The following FAM3D variants were observed in gnomAD, a reference collection of about 807,000 sequenced individuals.
FAM3D encodes protein FAM3D.
FAM3D carries 26 observed loss-of-function variants against 29.8 expected under a neutral mutation model. That is an observed-to-expected ratio of 0.87 (90% CI 0.64 to 1.21). The LOEUF (loss-of-function observed/expected upper bound fraction) is 1.21, where lower values mean the gene tolerates loss of function less well. FAM3D is among the 50% of genes most tolerant of loss of function. FAM3D has a pLI of 0.00. For missense variants in FAM3D, 253 were observed against 290.9 expected, an observed-to-expected ratio of 0.87 and a Z score of 0.95; for synonymous variants, 115 against 102.3, an observed-to-expected ratio of 1.12 and a Z score of -0.75.
chr3:58,662,062 G>A (rs934408321), intron 1 of FAM3D, among the ~76,000 whole-genome samples: 1 of 152,224 alleles, frequency 6.6e-6, no homozygotes. Context: ...TAGCCCCAGA[G>A]GCCAGTTTGT....
intron 7 of FAM3D, 66 bp downstream of exon 7, chr3:58,640,061 A>G: frequency 1.3e-6 from 2 of 1,566,806 alleles, no homozygotes; most frequent in South Asian, 2.2e-5. Flanking sequence ...CCCTTGCCAC[A>G]TGAAGAGGCT....
chr3:58,634,468 G>A lies in FAM3D; in HGVS notation c.586-100C>T. ...GCTCTAAACCTAAATGGGGGTGTGG[G>A]ATGTTATTAACCCACTTCACAGATG... On this transcript the variant is annotated intron_variant, in intron 9 of 9. Coordinates refer to ENST00000358781, the MANE Select transcript of FAM3D (RefSeq NM_138805.3). This position sits in a 1 kb window ranked among gnomAD's most constrained non-coding sequence, Gnocchi z 4.6. The A allele has an allele frequency of 9.5e-7, 1 of 1,053,146 alleles. No individual in the cohort carries two copies. Among genetic ancestry groups the A allele is most frequent in the Non-Finnish European group, 1.4e-6 (1 of 713,632 alleles). 65.2% of individuals were successfully genotyped at this position (1,053,146 alleles called of 1,614,324 possible).
intron 7 of FAM3D, among the ~76,000 whole-genome samples, chr3:58,638,217 C>T (rs2066230472): frequency 6.6e-6 from 1 of 152,162 alleles, no homozygotes; most frequent in Admixed American, 6.5e-5. Flanking sequence ...GTCACCTTCC[C>T]TGCATAACAA....
rs2066131296 is a variant in FAM3D at position 58,635,288 on chromosome 3, G to A, written c.586-920C>T. On this transcript the variant is annotated intron_variant, in intron 9 of 9. Coordinates refer to ENST00000358781, the MANE Select transcript of FAM3D (RefSeq NM_138805.3). This position sits in a 1 kb window ranked among gnomAD's most constrained non-coding sequence, Gnocchi z 5.2. ...GAAAAAAACGTAAATGGCAAAATCT[G>A]CTGTTGGAATCATTGTGGCTGACTC... Among the ~76,000 whole-genome samples, 1 of 152,216 alleles carries A rather than the reference G, an allele frequency of 6.6e-6. No individual in the cohort carries two copies. Among genetic ancestry groups the A allele is most frequent in the South Asian group, 2.1e-4 (1 of 4,832 alleles).
intron 3 of FAM3D, among the ~76,000 whole-genome samples, chr3:58,652,176 T>G (rs1336389697): frequency 1.3e-5 from 2 of 152,194 alleles, no homozygotes; most frequent in Non-Finnish European, 2.9e-5. Flanking sequence ...TGTTCTAATA[T>G]CTCCAAGAGG....
Position 58,635,935 on chromosome 3 carries a change from T to C in FAM3D, c.585+359A>G, listed in dbSNP as rs185801165. Among the ~76,000 whole-genome samples, 2 of 152,238 alleles carry C rather than the reference T, an allele frequency of 1.3e-5. No individual in the cohort carries two copies. ...GAGGCTGAAGGGATGGGGACAGGCA[T>C]CCTGCTCCTTTCCCCGGGATCCCCT... is the stretch of plus-strand genomic sequence containing the variant. On this transcript the variant is annotated intron_variant, in intron 9 of 9. Transcript: ENST00000358781. This position sits in a 1 kb window ranked among gnomAD's most constrained non-coding sequence, Gnocchi z 5.2.
At chr3:58,637,878 G>GATATTATT in intron 7 of FAM3D, among the ~76,000 whole-genome samples, 1 of 148,708 alleles carries the variant, frequency 6.7e-6, no homozygotes, top group African/African-American at 2.5e-5. Flanking sequence ...TTTCCCTTGT[G>GATATTATT]ATTATTATTA....
At chr3:58,666,228 G>T (rs539026806) in intron 1 of FAM3D, among the ~76,000 whole-genome samples, 1 of 152,252 alleles carries the variant, frequency 6.6e-6, no homozygotes, top group South Asian at 2.1e-4. Context: ...TGCAGTGTGG[G>T]TTATCAAATC....
chr3:58,651,752 G>A (rs2066643352), intron 3 of FAM3D, among the ~76,000 whole-genome samples: 1 of 146,044 alleles, frequency 6.8e-6, no homozygotes, highest in Non-Finnish European at 1.5e-5. Flanking sequence ...CTCCTACACT[G>A]ACTTGGGCCC....
intron 7 of FAM3D, among the ~76,000 whole-genome samples, chr3:58,638,927 T>A (rs576738638): frequency 6.6e-5 from 10 of 152,352 alleles, no homozygotes; most frequent in Admixed American, 2.0e-4. Flanking sequence ...CTGGTGCTTG[T>A]CTGGATGGAC....
chr3:58,655,085 A>G (rs1008490791), intron 2 of FAM3D, among the ~76,000 whole-genome samples: 1 of 152,168 alleles, frequency 6.6e-6, no homozygotes, highest in African/African-American at 2.4e-5. Flanking sequence ...CCGACTTCAA[A>G]ACCCTGTGCC....
chr3:58,651,620 T>C (rs935819671), intron 3 of FAM3D, among the ~76,000 whole-genome samples: 2 of 152,194 alleles, frequency 1.3e-5, no homozygotes, highest in East Asian at 1.9e-4. Flanking sequence ...GTTGGAGATG[T>C]TGGCTTGTCA....
intron 5 of FAM3D, among the ~76,000 whole-genome samples, chr3:58,644,379 C>T (rs368053193): frequency 2.0e-5 from 3 of 152,294 alleles, no homozygotes; most frequent in African/African-American, 7.2e-5. Context: ...GTGAGTAAAT[C>T]TCACAAGATC....
intron 7 of FAM3D, 70 bp downstream of exon 7, chr3:58,640,057 C>A: frequency 6.4e-7 from 1 of 1,554,594 alleles, no homozygotes; most frequent in Admixed American, 1.7e-5. Context: ...AGGTCCCTTG[C>A]CACATGAAGA....
chr3:58,638,078 T>C (rs2066226416), intron 7 of FAM3D, among the ~76,000 whole-genome samples: 1 of 152,118 alleles, frequency 6.6e-6, no homozygotes, highest in South Asian at 2.1e-4. Context: ...GAATTGGAGT[T>C]TCTCCATGTT....
chr3:58,664,594 C>T (rs1054286667), intron 1 of FAM3D, among the ~76,000 whole-genome samples: 1 of 152,206 alleles, frequency 6.6e-6, no homozygotes, highest in Non-Finnish European at 1.5e-5. Context: ...TATTACCGTC[C>T]TCATTCTTTT....
intron 1 of FAM3D, among the ~76,000 whole-genome samples, chr3:58,662,253 C>A (rs1218821876): frequency 6.6e-6 from 1 of 152,194 alleles, no homozygotes; most frequent in Non-Finnish European, 1.5e-5. Flanking sequence ...ACCTCCCGCC[C>A]AGTGGGTAAT....
rs913109846 is a variant in FAM3D at position 58,635,851 on chromosome 3, G to A, written c.585+443C>T. Among the ~76,000 whole-genome samples the A allele has an allele frequency of 6.6e-6, 1 of 152,122 alleles. No individual in the cohort carries two copies. The highest frequency in any genetic ancestry group is 2.4e-5 in the African/African-American group (1 of 41,416). On this transcript the variant is annotated intron_variant, in intron 9 of 9. Transcript: ENST00000358781. This position sits in a 1 kb window ranked among gnomAD's most constrained non-coding sequence, Gnocchi z 5.2. ...CTCCAGCACCTCTTGTCTGATGATGGCATCGGCCTCCTCCCTGCCTTCTGA... is the reference window on the plus strand; with the variant it reads ...CTCCAGCACCTCTTGTCTGATGATGACATCGGCCTCCTCCCTGCCTTCTGA...
chr3:58,653,844 G>A, intron 2 of FAM3D, 63 bp from the exon 3 acceptor site: 3 of 1,293,382 alleles, frequency 2.3e-6, no homozygotes, highest in Non-Finnish European at 3.4e-6. Context: ...AAGACCACGT[G>A]TGAGTTCTTC....
Sources: gnomAD v4.1 joint callset for allele counts (sites outside exome capture counted in the v4.1 genomes callset) on GRCh38, gnomAD v4.1.1 for gene constraint, Gnocchi (gnomAD v3.1) non-coding constraint, MANE v1.5 for transcripts, NCBI Gene and HGNC (gene_info 2026-07-23, HGNC 2026-07-21) for gene names.